The following BFSP2 variants were observed in gnomAD, a reference collection of about 807,000 sequenced individuals.
BFSP2 encodes phakinin.
BFSP2 carries 38 observed loss-of-function variants against 44.9 expected under a neutral mutation model. The ratio of observed to expected loss-of-function variants is 0.85; its 90% CI spans 0.65 to 1.11. The LOEUF (loss-of-function observed/expected upper bound fraction) is 1.11. Among genes scored for constraint, BFSP2 ranks in the 50% least tolerant of loss-of-function variants. The pLI, the probability that BFSP2 is intolerant of heterozygous loss-of-function variation, is 0.00. For missense variants in BFSP2, 525 were observed against 533.0 expected (o/e 0.99, Z 0.15); for synonymous variants, 197 against 209.9 (o/e 0.94, Z 0.53).
chr3:133,422,063 C>T (rs188260978), intron 1 of BFSP2, among the ~76,000 whole-genome samples: 249 of 145,664 alleles, frequency 1.7e-3, no homozygotes, highest in Non-Finnish European at 3.0e-3. Context: ...GCCAAGATAG[C>T]GCCACTGCAC....
chr3:133,459,934 T>C (rs963754553), intron 4 of BFSP2, among the ~76,000 whole-genome samples: 3 of 152,228 alleles, frequency 2.0e-5, no homozygotes, highest in African/African-American at 7.2e-5. Context: ...GCCTACATTG[T>C]AAACCTTCAG....
At position 133,450,580 on chromosome 3, in the gene BFSP2, C is replaced by T. The variant is rs2073954450; in HGVS notation, c.891+116C>T. The T allele has an allele frequency of 3.3e-6, 4 of 1,202,796 alleles. No homozygotes were observed. In the Admixed American group the frequency reaches 5.7e-5, roughly 17 times the overall value. The allele number at this position is 1,202,796 out of a possible 1,614,324, so 74.5% of individuals were successfully genotyped here. On this transcript the variant is annotated intron_variant, in intron 4 of 6. Transcript: ENST00000302334. ...AACAACGGTTTAGTAACAAGTTCAA[C>T]CTCATTAGAAACAGAAGAAATGAAA... is the stretch of plus-strand genomic sequence containing the variant.
chr3:133,405,389 C>T (rs1479109542), intron 1 of BFSP2, among the ~76,000 whole-genome samples: 1 of 152,108 alleles, frequency 6.6e-6, no homozygotes, highest in Non-Finnish European at 1.5e-5. Flanking sequence ...GTTCACAGCC[C>T]GTCTTTCTGT....
intron 5 of BFSP2, among the ~76,000 whole-genome samples, chr3:133,471,694 T>G (rs1278091160): frequency 6.6e-6 from 1 of 151,968 alleles, no homozygotes; most frequent in African/African-American, 2.4e-5. Flanking sequence ...GATGCGCTCC[T>G]TGGAAAAAAA....
At chr3:133,407,007 G>A (rs1260506167) in intron 1 of BFSP2, among the ~76,000 whole-genome samples, 1 of 152,226 alleles carries the variant, frequency 6.6e-6, no homozygotes, top group African/African-American at 2.4e-5. Context: ...CTGGGAGGTT[G>A]AGGCTGCAGT....
intron 4 of BFSP2, among the ~76,000 whole-genome samples, chr3:133,455,952 A>T (rs2074009379): frequency 6.6e-6 from 1 of 151,868 alleles, no homozygotes; most frequent in Non-Finnish European, 1.5e-5. Context: ...TTCAATTTCC[A>T]TTTGCCCAAA....
chr3:133,440,156 T>C (rs1400673319), intron 1 of BFSP2, among the ~76,000 whole-genome samples: 1 of 152,192 alleles, frequency 6.6e-6, no homozygotes. Flanking sequence ...AACTTCCCTT[T>C]ATAAAGCCAT....
chr3:133,449,032 T>C lies in BFSP2; in HGVS notation c.729+387T>C, dbSNP rs1034980152. ...GTAGATCCAAGCTGTGGTTGACATC[T>C]ACTCATTAACAAAACTGGGTCAGAT... On this transcript the variant is annotated intron_variant, in intron 3 of 6. Coordinates refer to ENST00000302334, the MANE Select transcript of BFSP2 (RefSeq NM_003571.4). 2.2e-5 allele frequency: 5 copies of C among 227,050 alleles called. No homozygotes were observed. The Admixed American group carries it at 2.6e-4, about 12-fold the overall frequency. 14.1% of individuals were successfully genotyped at this position (227,050 alleles called of 1,614,324 possible).
At position 133,466,379 on chromosome 3, in the gene BFSP2, T is replaced by TA. The variant is rs142371553; in HGVS notation, c.892-440dup. 5.2e-3 allele frequency among the ~76,000 whole-genome samples: 781 copies of TA among 150,436 alleles called. 5 individuals are homozygous for TA. Among genetic ancestry groups the TA allele is most frequent in the African/African-American group, 0.018 (733 of 41,102 alleles). Reference sequence around the variant, plus strand: ...ATACAAGTTGGTGAAGGGACCTGTTTAAAAAAAAAGACATTTCCAGCCAGG... The same window carrying TA: ...ATACAAGTTGGTGAAGGGACCTGTTTAAAAAAAAAAGACATTTCCAGCCAGG... On this transcript the variant is annotated intron_variant, in intron 4 of 6. Transcript: ENST00000302334.
chr3:133,432,916 C>A (rs548836308), intron 1 of BFSP2, among the ~76,000 whole-genome samples: 1 of 151,902 alleles, frequency 6.6e-6, no homozygotes, highest in South Asian at 2.1e-4. Context: ...TTTAGCCTAG[C>A]CCTCATGTCC....
At chr3:133,470,078 C>T (rs758160360) in intron 5 of BFSP2, among the ~76,000 whole-genome samples, 1 of 152,172 alleles carries the variant, frequency 6.6e-6, no homozygotes, top group African/African-American at 2.4e-5. Flanking sequence ...TGCTCAAAGT[C>T]AAGGTGGCCA....
intron 1 of BFSP2, among the ~76,000 whole-genome samples, chr3:133,420,651 T>C (rs2073584246): frequency 6.6e-6 from 1 of 152,156 alleles, no homozygotes; most frequent in African/African-American, 2.4e-5. Context: ...ATCCTCAGCC[T>C]CCTCCTCCAC....
intron 5 of BFSP2, among the ~76,000 whole-genome samples, chr3:133,472,065 T>C (rs1274839519): frequency 6.6e-6 from 1 of 151,970 alleles, no homozygotes; most frequent in Non-Finnish European, 1.5e-5. Flanking sequence ...ACCCCCTTTC[T>C]TTTCTCCCTC....
intron 1 of BFSP2, among the ~76,000 whole-genome samples, chr3:133,418,509 G>A (rs546945024): frequency 4.6e-5 from 7 of 152,188 alleles, no homozygotes; most frequent in African/African-American, 4.8e-5. Flanking sequence ...GAAATGAGGC[G>A]CTCATGGCAG....
intron 1 of BFSP2, among the ~76,000 whole-genome samples, chr3:133,419,700 T>C (rs899713394): frequency 6.6e-6 from 1 of 152,368 alleles, no homozygotes; most frequent in East Asian, 1.9e-4. Flanking sequence ...GCTGGGCGGC[T>C]TCCGACCCAT....
intron 1 of BFSP2, among the ~76,000 whole-genome samples, chr3:133,433,395 A>G (rs1302462966): frequency 1.3e-5 from 2 of 152,226 alleles, no homozygotes; most frequent in Non-Finnish European, 2.9e-5. Context: ...TCCTCAAGGA[A>G]ATAACTTCTC....
chr3:133,421,901 G>A (rs1326414316), intron 1 of BFSP2, among the ~76,000 whole-genome samples: 5 of 152,076 alleles, frequency 3.3e-5, no homozygotes, highest in Non-Finnish European at 7.4e-5. Flanking sequence ...AAGGTCAAGA[G>A]ATCAAGACCA....
intron 1 of BFSP2, among the ~76,000 whole-genome samples, chr3:133,428,949 T>A (rs1321470734): frequency 6.6e-6 from 1 of 152,212 alleles, no homozygotes; most frequent in Non-Finnish European, 1.5e-5. Flanking sequence ...CTCATTCTGT[T>A]CTTAATTATG....
In BFSP2 at chr3:133,447,310, G is replaced by C; in HGVS notation, c.490-7G>C. On this transcript the variant is annotated splice_region_variant and splice_polypyrimidine_tract_variant and intron_variant, in intron 1 of 6. Coordinates refer to ENST00000302334, the MANE Select transcript of BFSP2 (RefSeq NM_003571.4). ...CTTGTCTCCTTTGGTGTGTGTGATC[G>C]CTCTAGGTGGGTGAGGCAGTCTTGG... The C allele has an allele frequency of 1.2e-6, 2 of 1,613,810 alleles. No individual in the cohort carries two copies. Among genetic ancestry groups the C allele is most frequent in the Non-Finnish European group, 1.7e-6 (2 of 1,179,930 alleles).
Sources: allele counts gnomAD v4.1 joint callset (sites outside exome capture counted in the v4.1 genomes callset), GRCh38; gene constraint gnomAD v4.1.1; transcripts MANE v1.5; gene names NCBI Gene and HGNC (gene_info 2026-07-23, HGNC 2026-07-21).